MTMR1: variants seen among roughly 807,000 people sequenced by gnomAD.
The protein encoded by MTMR1 is myotubularin related protein 1.
A neutral mutation model predicts 51.6 loss-of-function variants in MTMR1; 17 were observed. That is an observed-to-expected ratio of 0.33 (90% CI 0.23 to 0.49). The LOEUF (loss-of-function observed/expected upper bound fraction) is 0.49. Ranked by LOEUF, MTMR1 falls within the 20% of genes least tolerant of loss-of-function variation. The probability of loss-of-function intolerance (pLI) is 0.99; values close to 1 mark genes in which losing one functional copy is unlikely to be tolerated. For synonymous variants in MTMR1, 201 were observed against 205.6 expected (o/e 0.98, Z 0.19); for missense variants, 386 against 526.9 (o/e 0.73, Z 2.62).
Position 150,759,482 on chromosome X carries a change from G to GCC in MTMR1, c.1858-3083_1858-3082insCC, listed in dbSNP as rs2043018994. On this transcript the variant is annotated intron_variant, in intron 15 of 15. Transcript: ENST00000445323. Reference sequence around the variant, plus strand: ...GATCTGGAGTGCCTTTGGCTAAACAGAGCCTCTCGATTACTGCAGGAGACC... The same window carrying GCC: ...GATCTGGAGTGCCTTTGGCTAAACAGCCAGCCTCTCGATTACTGCAGGAGACC... Among the ~76,000 whole-genome samples, 12 of 108,856 alleles carry GCC rather than the reference G, an allele frequency of 1.1e-4. 2 individuals carry two copies. The highest frequency in any genetic ancestry group is 2.1e-4 in the Non-Finnish European group (11 of 51,269). The allele number at this position is 108,856 out of a possible 115,157, so 94.5% of individuals were successfully genotyped here.
At chrX:150,751,173 T>C in intron 14 of MTMR1, 1 of 882,816 alleles carries the variant, frequency 1.1e-6, no homozygotes, top group Non-Finnish European at 1.4e-6. Context: ...TCCTCTGTGG[T>C]GTTGGCCAGA....
intron 12 of MTMR1, among the ~76,000 whole-genome samples, chrX:150,741,531 C>T (rs2042423040): frequency 8.9e-6 from 1 of 112,514 alleles, no homozygotes. Flanking sequence ...CCACTGCATA[C>T]TTGGAAGCCC....
At chrX:150,761,042 G>C (rs2043109466) in intron 15 of MTMR1, among the ~76,000 whole-genome samples, 1 of 111,601 alleles carries the variant, frequency 9.0e-6, no homozygotes. Context: ...CCCTGGGTGT[G>C]TGTCAGTGGT....
At chrX:150,724,109 G>A (rs2041847797) in intron 4 of MTMR1, among the ~76,000 whole-genome samples, 1 of 111,839 alleles carries the variant, frequency 8.9e-6, no homozygotes, top group Admixed American at 9.5e-5. Flanking sequence ...TAATGGGATT[G>A]CTGGGTCAAA....
rs144889387 is a variant in MTMR1, at chrX:150,749,119, A to G, written c.1567-1611A>G. ...TGTGTTTCTGAGAGCAATCCTTAAG[A>G]TGGAGAGAGAAGCAAATCTTAATCC... On this transcript the variant is annotated intron_variant, in intron 13 of 15. Coordinates refer to ENST00000445323, the MANE Select transcript of MTMR1 (RefSeq NM_001306144.3). Among the ~76,000 whole-genome samples, 683 of 112,285 alleles carry G rather than the reference A, an allele frequency of 6.1e-3. 21 individuals are homozygous for G. Among genetic ancestry groups the G allele is most frequent in the Admixed American group, 0.051 (543 of 10,595 alleles).
At chrX:150,700,453 T>C (rs2040868703) in intron 2 of MTMR1, among the ~76,000 whole-genome samples, 1 of 112,543 alleles carries the variant, frequency 8.9e-6, no homozygotes, top group African/African-American at 3.2e-5. Context: ...AGAAATTGGA[T>C]AATCTGCCCA....
intron 1 of MTMR1, 25 bp from the exon 2 acceptor site, chrX:150,699,170 T>A (rs1378274664): frequency 2.9e-6 from 3 of 1,049,588 alleles, no homozygotes; most frequent in Non-Finnish European, 3.9e-6. Flanking sequence ...ATATAACGTT[T>A]TGTAATCCAT....
intron 1 of MTMR1, among the ~76,000 whole-genome samples, chrX:150,695,608 T>G (rs2040642210): frequency 8.9e-6 from 1 of 112,208 alleles, no homozygotes; most frequent in East Asian, 2.8e-4. Context: ...TGGAGAAGTC[T>G]TTCTAAGGTG....
rs1169018039 is a variant in MTMR1 at position 150,717,929 on chromosome X, C to T, written c.277-696C>T. On this transcript the variant is annotated intron_variant, in intron 3 of 15. Transcript: ENST00000445323. ...TGCCTGACGAAAACACCCTGCTCCGCAGCAGGGATTGGAATACTGTTGCCT... is the reference window on the plus strand; with the variant it reads ...TGCCTGACGAAAACACCCTGCTCCGTAGCAGGGATTGGAATACTGTTGCCT... Among the ~76,000 whole-genome samples, 5 of 113,128 alleles carry T rather than the reference C, an allele frequency of 4.4e-5. No homozygotes were observed. In the East Asian group the frequency reaches 1.4e-3, roughly 31 times the overall value.
intron 3 of MTMR1, 33 bp from the exon 4 acceptor site, chrX:150,718,592 T>C: frequency 4.2e-6 from 1 of 238,511 alleles, no homozygotes; most frequent in Non-Finnish European, 5.7e-6. Flanking sequence ...TCCTTTTTTT[T>C]TTTTTTTTTT....
chrX:150,714,489 A>C, intron 3 of MTMR1: 1 of 982,701 alleles, frequency 1.0e-6, no homozygotes, highest in Non-Finnish European at 1.3e-6. Flanking sequence ...GAGATTCAGG[A>C]AGAACACAAT....
intron 15 of MTMR1, among the ~76,000 whole-genome samples, chrX:150,762,343 G>A (rs782710945): frequency 6.3e-5 from 7 of 111,902 alleles, no homozygotes; most frequent in Middle Eastern, 4.6e-3. Flanking sequence ...CCGGCTCAGC[G>A]GCTCGGCCCC....
chrX:150,704,783 G>T (rs1049606070), intron 2 of MTMR1, among the ~76,000 whole-genome samples: 61 of 111,768 alleles, frequency 5.5e-4, no homozygotes, highest in African/African-American at 1.9e-3. Context: ...CAAAGGGTTT[G>T]AATAAGATCC....
intron 4 of MTMR1, among the ~76,000 whole-genome samples, chrX:150,722,103 A>G (rs2041770621): frequency 8.9e-6 from 1 of 112,116 alleles, no homozygotes; most frequent in Non-Finnish European, 1.9e-5. Context: ...TTGTGTTAAG[A>G]AAACATGCTT....
At chrX:150,752,065 C>T (rs1296792185) in intron 14 of MTMR1, among the ~76,000 whole-genome samples, 1 of 108,899 alleles carries the variant, frequency 9.2e-6, no homozygotes, top group African/African-American at 3.4e-5. Context: ...TATAGGCACC[C>T]GCCACCACGC....
intron 10 of MTMR1, 164 bp from the exon 11 acceptor site, chrX:150,736,431 T>G: frequency 2.4e-6 from 1 of 420,806 alleles, no homozygotes; most frequent in Non-Finnish European, 4.0e-6. Context: ...AGCCACTGAG[T>G]TTGTGGTTCT....
At chrX:150,743,652 T>C (rs2042498080) in intron 12 of MTMR1, among the ~76,000 whole-genome samples, 1 of 112,426 alleles carries the variant, frequency 8.9e-6, no homozygotes, top group Admixed American at 9.4e-5. Flanking sequence ...CATAGCAAAT[T>C]ATTTGAAGCT....
chrX:150,739,134 C>T lies in MTMR1; in HGVS notation c.1473+1686C>T, dbSNP rs188313549. ...CTGTCCCTGCACTCCTGGGGTGGAG[C>T]GCCTGCAAGAGGACCTCCCAGAGAG... On this transcript the variant is annotated intron_variant, in intron 12 of 15. Transcript: ENST00000445323. 1.3e-4 allele frequency among the ~76,000 whole-genome samples: 15 copies of T among 112,248 alleles called. No individual in the cohort carries two copies. The East Asian group carries it at 3.4e-3, about 25-fold the overall frequency.
chrX:150,721,626 A>G (rs2041751003), intron 4 of MTMR1, among the ~76,000 whole-genome samples: 1 of 110,637 alleles, frequency 9.0e-6, no homozygotes, highest in African/African-American at 3.3e-5. Context: ...CATCTTTCTC[A>G]TTTCTGATAT....
Sources: allele counts gnomAD v4.1 joint callset (sites outside exome capture counted in the v4.1 genomes callset), GRCh38; gene constraint gnomAD v4.1.1; transcripts MANE v1.5; gene names NCBI Gene and HGNC (gene_info 2026-07-23, HGNC 2026-07-21).